MCC: variants seen among roughly 807,000 people sequenced by gnomAD.
The protein encoded by MCC is MCC regulator of Wnt signaling pathway, also known as colorectal mutant cancer protein.
MCC carries 90 observed loss-of-function variants against 116.2 expected under a neutral mutation model. The ratio of observed to expected loss-of-function variants is 0.77; its 90% CI spans 0.65 to 0.92. The LOEUF (loss-of-function observed/expected upper bound fraction) is 0.92. MCC is among the 40% of genes least tolerant of loss of function. The pLI is 0.00. For missense variants in MCC, 1,516 were observed against 1,312.2 expected (o/e 1.16, Z -2.40); for synonymous variants, 578 against 510.5 (o/e 1.13, Z -1.78).
chr5:113,031,458 G>A (rs955752687), intron 17 of MCC, among the ~76,000 whole-genome samples: 12 of 144,558 alleles, frequency 8.3e-5, no homozygotes, highest in Non-Finnish European at 1.2e-4. Context: ...CTCCTCCAGC[G>A]GAGGGAAGCC....
intron 6 of MCC, among the ~76,000 whole-genome samples, chr5:113,105,797 T>A (rs1327962142): frequency 6.6e-6 from 1 of 152,136 alleles, no homozygotes; most frequent in Non-Finnish European, 1.5e-5. Context: ...AAAGCGCAAA[T>A]CAGAACAAGT....
At chr5:113,421,430 T>TTA (rs1444860283) in intron 1 of MCC, among the ~76,000 whole-genome samples, 1 of 152,194 alleles carries the variant, frequency 6.6e-6, no homozygotes, top group East Asian at 1.9e-4. Flanking sequence ...ATAAAACTCT[T>TTA]TAATTTCATA....
chr5:113,432,134 C>T (rs1037840084), intron 1 of MCC, among the ~76,000 whole-genome samples: 2 of 150,776 alleles, frequency 1.3e-5, no homozygotes. Flanking sequence ...GACTCCGTCT[C>T]AAAAAACAAA....
intron 3 of MCC, among the ~76,000 whole-genome samples, chr5:113,252,683 C>G (rs1764847129): frequency 6.6e-6 from 1 of 152,172 alleles, no homozygotes; most frequent in Non-Finnish European, 1.5e-5. Flanking sequence ...CTCCACCACC[C>G]AGGTCCATGG....
At chr5:113,089,068 C>CA (rs1440166376) in intron 8 of MCC, among the ~76,000 whole-genome samples, 1 of 152,186 alleles carries the variant, frequency 6.6e-6, no homozygotes, top group Non-Finnish European at 1.5e-5. Flanking sequence ...TCATTCAGCA[C>CA]CCTTCACAGC....
At chr5:113,452,413 G>C (rs573954785) in intron 1 of MCC, among the ~76,000 whole-genome samples, 1 of 152,306 alleles carries the variant, frequency 6.6e-6, no homozygotes, top group African/African-American at 2.4e-5. Context: ...GAGGTCATGA[G>C]GGTAGAGCTC....
intron 8 of MCC, among the ~76,000 whole-genome samples, chr5:113,093,664 G>A (rs539549842): frequency 6.6e-6 from 1 of 152,210 alleles, no homozygotes; most frequent in East Asian, 1.9e-4. Context: ...GGCTAGGCAA[G>A]TATGAGACAG....
At position 113,328,315 on chromosome 5, in the gene MCC, C is replaced by T. The variant is rs79506936; in HGVS notation, c.627+12204G>A. Among the ~76,000 whole-genome samples the T allele has an allele frequency of 5.0e-3, 762 of 152,306 alleles. 9 individuals are homozygous for T. Among genetic ancestry groups the T allele is most frequent in the African/African-American group, 0.018 (744 of 41,562 alleles). On this transcript the variant is annotated intron_variant, in intron 3 of 18. Coordinates refer to ENST00000408903, the MANE Select transcript of MCC (RefSeq NM_001085377.2). The stretch of plus-strand genomic sequence containing the variant: ...ATTCATAGGAATAATCGTAGGAACA[C>T]ATTAATTCCTTCTGCCTGCTTCTGT...
Position 113,027,436 on chromosome 5 carries a change from T to G in MCC, c.2926A>C (p.Lys976Gln), listed in dbSNP as rs1232260988. 6.2e-7 allele frequency: 1 copy of G among 1,614,210 alleles called. No individual in the cohort carries two copies. The highest frequency in any genetic ancestry group is 8.5e-7 in the Non-Finnish European group (1 of 1,180,040). ...ATCTGCGACTCTAACTTCTTCAGTT[T>G]GTTTTGATGCTTTTTCTTTGCTTTC... The part of the protein sequence containing the change: ...YEKAKKKHQN[K>Q]LKKLESQMMA... The change falls in exon 19 of 19, where the codon AAA becomes CAA. Residue 976 changes from lysine to glutamine, a missense_variant. By Grantham distance (53) the Lys-to-Gln change is moderately conservative. Coordinates refer to ENST00000408903, the MANE Select transcript of MCC (RefSeq NM_001085377.2).
rs371633817 is a variant in MCC at position 113,055,174 on chromosome 5, G to A, written c.2214-1215C>T. On this transcript the variant is annotated intron_variant, in intron 14 of 18. Coordinates refer to ENST00000408903, the MANE Select transcript of MCC (RefSeq NM_001085377.2). The stretch of plus-strand genomic sequence containing the variant: ...CATCAAGTGGTCAGCCGAGTCATGC[G>A]ACTGGAAAGAGGTGCAACTAGACTT... Among the ~76,000 whole-genome samples, 7 of 152,292 alleles carry A rather than the reference G, an allele frequency of 4.6e-5. No individual in the cohort carries two copies. The East Asian group carries it at 7.7e-4, about 17-fold the overall frequency.
intron 3 of MCC, among the ~76,000 whole-genome samples, chr5:113,258,616 CT>C: frequency 6.6e-6 from 1 of 152,372 alleles, no homozygotes; most frequent in South Asian, 2.1e-4. Flanking sequence ...TCCGCCACCC[CT>C]GCCACTGTCT....
chr5:113,046,363 T>G (rs1432347179), intron 16 of MCC, among the ~76,000 whole-genome samples: 2 of 152,076 alleles, frequency 1.3e-5, no homozygotes, highest in Admixed American at 6.5e-5. Context: ...GGCTAATTTT[T>G]GTATTTTTAG....
At chr5:113,340,377 C>A (rs1767979438) in intron 3 of MCC, 142 bp downstream of exon 3, 2 of 746,758 alleles carry the variant, frequency 2.7e-6, no homozygotes, top group Non-Finnish European at 2.2e-6. Flanking sequence ...CTAAACATTA[C>A]TGGCAATGCT....
intron 3 of MCC, among the ~76,000 whole-genome samples, chr5:113,206,396 C>G (rs1038368872): frequency 2.0e-5 from 3 of 152,124 alleles, no homozygotes; most frequent in Non-Finnish European, 4.4e-5. Context: ...CTGTCCTTTC[C>G]TTATGCAAAT....
chr5:113,295,939 T>C (rs189746171), intron 3 of MCC, among the ~76,000 whole-genome samples: 4 of 152,342 alleles, frequency 2.6e-5, no homozygotes, highest in Non-Finnish European at 1.5e-5. Flanking sequence ...GAAAAAGCCA[T>C]TGTATTGTCA....
intron 17 of MCC, among the ~76,000 whole-genome samples, chr5:113,041,563 C>T (rs1307142439): frequency 3.9e-5 from 6 of 152,140 alleles, no homozygotes; most frequent in South Asian, 2.1e-4. Flanking sequence ...GGGTCAGATA[C>T]GCAGACTAGA....
chr5:113,201,199 A>C (rs1038533510), intron 3 of MCC, among the ~76,000 whole-genome samples: 1 of 152,084 alleles, frequency 6.6e-6, no homozygotes, highest in Non-Finnish European at 1.5e-5. Flanking sequence ...CAGTCTGACC[A>C]ACACGGAGAA....
intron 3 of MCC, among the ~76,000 whole-genome samples, chr5:113,332,152 T>C (rs1445240847): frequency 6.6e-6 from 1 of 151,630 alleles, no homozygotes; most frequent in African/African-American, 2.4e-5. Context: ...ACCCCAAATG[T>C]AGCCACTTGT....
At chr5:113,230,197 T>C (rs1163855889) in intron 3 of MCC, among the ~76,000 whole-genome samples, 1 of 152,228 alleles carries the variant, frequency 6.6e-6, no homozygotes, top group Non-Finnish European at 1.5e-5. Flanking sequence ...GGTTTTTTAC[T>C]TTTACTGTTA....
Sources: allele counts gnomAD v4.1 joint callset (sites outside exome capture counted in the v4.1 genomes callset), GRCh38; gene constraint gnomAD v4.1.1; transcripts MANE v1.5; gene names NCBI Gene and HGNC (gene_info 2026-07-23, HGNC 2026-07-21).